Variants in USP24 observed in about 807,000 individuals in gnomAD.
USP24 encodes the protein ubiquitin carboxyl-terminal hydrolase 24.
In USP24, 97 loss-of-function variants were observed where a neutral mutation model predicts 361.6. The observed-to-expected ratio is 0.27, with a 90% confidence interval of 0.23 to 0.32. The LOEUF (loss-of-function observed/expected upper bound fraction) is 0.32, where lower values mean the gene tolerates loss of function less well. Ranked by LOEUF, USP24 falls within the 10% of genes least tolerant of loss-of-function variation. The pLI is 1.00. For synonymous variants in USP24, 1,098 were observed against 1,124.6 expected (o/e 0.98, Z 0.47); for missense variants, 2,353 against 3,165.6 (o/e 0.74, Z 6.16).
intron 1 of USP24, among the ~76,000 whole-genome samples, chr1:55,184,837 C>T (rs1456287155): frequency 6.6e-6 from 1 of 152,102 alleles, no homozygotes; most frequent in African/African-American, 2.4e-5. Flanking sequence ...ATGGCACAAA[C>T]AAGAAATCAC....
chr1:55,106,328 G>A, intron 40 of USP24, 65 bp from the exon 41 acceptor site: 2 of 1,305,548 alleles, frequency 1.5e-6, no homozygotes, highest in Non-Finnish European at 2.2e-6. Context: ...ATCCTATCTT[G>A]CACTTTCTTA....
chr1:55,160,647 G>A (rs1314396193), intron 8 of USP24, among the ~76,000 whole-genome samples: 1 of 152,144 alleles, frequency 6.6e-6, no homozygotes, highest in East Asian at 1.9e-4. Context: ...TAAAGATGAA[G>A]TCAGATGTGC....
At chr1:55,124,762 A>C in intron 34 of USP24, 134 bp from the exon 35 acceptor site, 4 of 920,472 alleles carry the variant, frequency 4.3e-6, no homozygotes, top group Non-Finnish European at 6.5e-6. Flanking sequence ...GGCCTTTCTC[A>C]AGCTGCCATC....
intron 58 of USP24, among the ~76,000 whole-genome samples, chr1:55,081,829 C>T (rs1645155047): frequency 6.6e-6 from 1 of 152,168 alleles, no homozygotes; most frequent in Non-Finnish European, 1.5e-5. Context: ...CCTATTCTGC[C>T]TACTTTGTGA....
chr1:55,197,744 G>A (rs1027700926), intron 1 of USP24, among the ~76,000 whole-genome samples: 1 of 152,126 alleles, frequency 6.6e-6, no homozygotes, highest in Middle Eastern at 3.2e-3. Flanking sequence ...CAATATCCCA[G>A]AACCTCTGCC....
intron 62 of USP24, among the ~76,000 whole-genome samples, 152 bp from the exon 63 acceptor site, chr1:55,075,675 C>CAACAAA (rs773491278): frequency 2.6e-4 from 1 of 3,782 alleles, no homozygotes; most frequent in Non-Finnish European, 1.0e-3. Context: ...ACACCACCAC[C>CAACAAA]ACCAATACAG....
chr1:55,092,244 AAAGTT>A (rs1218275924), intron 53 of USP24, 118 bp from the exon 54 acceptor site: 1 of 556,770 alleles, frequency 1.8e-6, no homozygotes, highest in Admixed American at 3.7e-5. Context: ...CACACATGAT[AAAGTT>A]AAATACTAAT....
At chr1:55,214,730 C>T in intron 1 of USP24, 60 bp downstream of exon 1, 1 of 1,138,120 alleles carries the variant, frequency 8.8e-7, no homozygotes, top group Non-Finnish European at 1.1e-6. Flanking sequence ...GGGGTGTGTC[C>T]CCTCCCAGGA....
At chr1:55,108,510 C>A (rs1013949077) in intron 39 of USP24, among the ~76,000 whole-genome samples, 4 of 152,184 alleles carry the variant, frequency 2.6e-5, no homozygotes, top group Non-Finnish European at 5.9e-5. Context: ...TGCAATGAGA[C>A]CAGCACCTAC....
chr1:55,093,275 C>T (rs1645421850), intron 52 of USP24, among the ~76,000 whole-genome samples: 1 of 152,192 alleles, frequency 6.6e-6, no homozygotes, highest in Non-Finnish European at 1.5e-5. Context: ...TGGCTTAATT[C>T]TCTTTCTTTC....
At chr1:55,178,721 AAATAAAT>A (rs879864939) in intron 1 of USP24, among the ~76,000 whole-genome samples, 14,289 of 130,884 alleles carry the variant, frequency 0.11, 981 homozygotes, top group South Asian at 0.18. Context: ...ATAAATAAAT[AAATAAAT>A]AAAAAGAACT....
At chr1:55,155,919 C>A (rs1297007836) in intron 12 of USP24, among the ~76,000 whole-genome samples, 1 of 152,110 alleles carries the variant, frequency 6.6e-6, no homozygotes, top group Non-Finnish European at 1.5e-5. Context: ...CTTAATACCC[C>A]TTCCTTCTTT....
In USP24 at chr1:55,097,272, T is replaced by G. The variant is rs1042689941; in HGVS notation, c.5716-100A>C. On this transcript the variant is annotated intron_variant, in intron 48 of 67. Transcript: ENST00000294383. ...AATAAGAGGAAGTGTTTTCCTAGTT[T>G]AAGCTAGGAACAACTACCTCACCAG... is the stretch of plus-strand genomic sequence containing the variant. 7 of 1,344,630 alleles carry G rather than the reference T, an allele frequency of 5.2e-6. No homozygotes were observed. In the Admixed American group the frequency reaches 1.4e-4, roughly 27 times the overall value. 83.3% of individuals were successfully genotyped at this position (1,344,630 alleles called of 1,614,324 possible).
Position 55,107,345 on chromosome 1 carries a change from A to T in USP24, c.4656T>A (p.Arg1552=), listed in dbSNP as rs754847527. The stretch of plus-strand genomic sequence containing the variant: ...CTTCACTGGTCTCACATTCAGCTGT[A>T]CGATTAGGTTCAAAGTTATCCAGCC... ...ITWLDNFEPN[R]TAECETSEAD... The change falls in exon 40 of 68, where the codon CGT becomes CGA. Residue 1552 remains arginine, a synonymous_variant. Transcript: ENST00000294383. 6.2e-6 allele frequency: 10 copies of T among 1,613,832 alleles called. No individual in the cohort carries two copies. The East Asian group carries it at 2.0e-4, about 32-fold the overall frequency.
intron 54 of USP24, among the ~76,000 whole-genome samples, chr1:55,090,752 C>G (rs1003872199): frequency 2.0e-5 from 3 of 152,206 alleles, no homozygotes; most frequent in Non-Finnish European, 4.4e-5. Context: ...TATCCAGAAC[C>G]TATAATGTGC....
chr1:55,106,660 G>T (rs145307695), intron 40 of USP24, among the ~76,000 whole-genome samples: 7 of 152,332 alleles, frequency 4.6e-5, no homozygotes, highest in African/African-American at 1.7e-4. Flanking sequence ...AGTTTAAAAT[G>T]ATATGCCTTT....
chr1:55,079,603 A>G lies in USP24; in HGVS notation c.7135T>C (p.Leu2379=), dbSNP rs2100420406. ...PISIAPSSPL[L]PLHEEVEALL... is the part of the protein sequence containing the mutation. ...GCTTCTACCTCCTCATGGAGGGGCA[A>G]CAGAGGGCTTGAGGGAGCAATGCTA... The change falls in exon 60 of 68, where the codon TTG becomes CTG. Residue 2379 remains leucine, a synonymous_variant. Transcript: ENST00000294383. 1 of 1,556,990 alleles carries G rather than the reference A, an allele frequency of 6.4e-7. No homozygotes were observed. Among genetic ancestry groups the G allele is most frequent in the South Asian group, 1.3e-5 (1 of 79,260 alleles).
At chr1:55,119,051 C>A (rs1238802764) in intron 38 of USP24, among the ~76,000 whole-genome samples, 1 of 152,188 alleles carries the variant, frequency 6.6e-6, no homozygotes, top group Non-Finnish European at 1.5e-5. Flanking sequence ...ACTAAATGAT[C>A]TAGCAATTCC....
chr1:55,084,323 C>A, intron 56 of USP24: 1 of 157,042 alleles, frequency 6.4e-6, no homozygotes, highest in Non-Finnish European at 1.4e-5. Flanking sequence ...GAAACCAAGC[C>A]GATGGAGCAA....
Sources: gnomAD v4.1 joint callset for allele counts (sites outside exome capture counted in the v4.1 genomes callset) on GRCh38, gnomAD v4.1.1 for gene constraint, MANE v1.5 for transcripts, NCBI Gene and HGNC (gene_info 2026-07-23, HGNC 2026-07-21) for gene names.